PI4KA: variants seen among roughly 807,000 people sequenced by gnomAD.
The protein encoded by PI4KA is phosphatidylinositol 4-kinase alpha, also known as PI4-kinase alpha.
A neutral mutation model predicts 271.4 loss-of-function variants in PI4KA; 122 were observed. The ratio of observed to expected loss-of-function variants is 0.45; its 90% CI spans 0.39 to 0.52. The LOEUF is 0.52. Ranked by LOEUF, PI4KA falls within the 20% of genes least tolerant of loss-of-function variation. PI4KA has a pLI of 0.00. For missense variants in PI4KA, 1,969 were observed against 2,769.1 expected, an observed-to-expected ratio of 0.71 and a Z score of 6.48; for synonymous variants, 1,041 against 1,078.8, an observed-to-expected ratio of 0.96 and a Z score of 0.69.
At chr22:20,818,369 A>G in intron 7 of PI4KA, 114 bp downstream of exon 7, 1 of 693,290 alleles carries the variant, frequency 1.4e-6, no homozygotes. Flanking sequence ...TTGGCACTCT[A>G]GGTCCATCCA....
At chr22:20,803,822 G>T (rs1290632673) in intron 12 of PI4KA, among the ~76,000 whole-genome samples, 2 of 152,198 alleles carry the variant, frequency 1.3e-5, no homozygotes, top group Non-Finnish European at 2.9e-5. Context: ...CTGGCCAGGG[G>T]ATATAGATTG....
At chr22:20,741,132 A>T (rs1929386505) in intron 32 of PI4KA, among the ~76,000 whole-genome samples, 1 of 152,244 alleles carries the variant, frequency 6.6e-6, no homozygotes, top group East Asian at 1.9e-4. Flanking sequence ...TGAAAACAGG[A>T]CACAAGGAAT....
intron 23 of PI4KA, among the ~76,000 whole-genome samples, chr22:20,754,443 G>T (rs373608571): frequency 1.4e-4 from 21 of 152,258 alleles, no homozygotes; most frequent in Middle Eastern, 3.4e-3. Context: ...TCAGAGCCAA[G>T]GAATTAAATG....
intron 29 of PI4KA, among the ~76,000 whole-genome samples, chr22:20,746,134 C>T (rs1424879883): frequency 1.4e-5 from 2 of 139,310 alleles, no homozygotes; most frequent in Non-Finnish European, 3.0e-5. Context: ...GGGATCTCGG[C>T]TCACTGCAAG....
chr22:20,741,463 C>T (rs5760287), intron 32 of PI4KA, among the ~76,000 whole-genome samples: 84,154 of 151,982 alleles, frequency 0.55, 25,288 homozygotes, highest in African/African-American at 0.8. Context: ...CCTGACTAGA[C>T]AACCTCCCCC....
intron 1 of PI4KA, among the ~76,000 whole-genome samples, chr22:20,839,398 T>G (rs1925276846): frequency 6.6e-6 from 1 of 152,204 alleles, no homozygotes; most frequent in South Asian, 2.1e-4. Context: ...AAACTGTGTA[T>G]ACTCAGAGGG....
intron 18 of PI4KA, among the ~76,000 whole-genome samples, chr22:20,794,164 G>A (rs540363429): frequency 1.9e-3 from 287 of 152,346 alleles, no homozygotes; most frequent in African/African-American, 6.7e-3. Context: ...CCACAAGGGT[G>A]GCCCTGCCTG....
chr22:20,788,684 A>C (rs1371370250), intron 19 of PI4KA, among the ~76,000 whole-genome samples: 1 of 152,036 alleles, frequency 6.6e-6, no homozygotes, highest in Non-Finnish European at 1.5e-5. Context: ...TTCCTGGTGA[A>C]CCCTGATGCT....
rs1935366165 is a variant in PI4KA at position 20,802,061 on chromosome 22, C to T, written c.1636G>A (p.Glu546Lys). ...IKISVTNEHS[E>K]STLNVMSGKK... The stretch of plus-strand genomic sequence containing the variant: ...CCCGACATGACGTTCAGGGTTGACT[C>T]GGAATGCTCATTGGTCACACTGATT... The change falls in exon 14 of 55, where the codon GAG (glutamate) becomes AAG (lysine). Residue 546 changes from glutamate to lysine, a missense_variant. By Grantham distance (56) the Glu-to-Lys change is moderately conservative (BLOSUM62 1). Around this residue, in one of 13 missense-constraint regions of PI4KA, gnomAD observed 228 missense variants for 261.6 expected, o/e 0.87. Coordinates refer to ENST00000255882, the MANE Select transcript of PI4KA (RefSeq NM_058004.4). 1.2e-6 allele frequency: 2 copies of T among 1,613,906 alleles called. No individual in the cohort carries two copies. The highest frequency in any genetic ancestry group is 8.5e-7 in the Non-Finnish European group (1 of 1,179,890).
At chr22:20,803,725 TCTCA>T (rs1238526836) in intron 12 of PI4KA, among the ~76,000 whole-genome samples, 1 of 152,088 alleles carries the variant, frequency 6.6e-6, no homozygotes, top group Non-Finnish European at 1.5e-5. Flanking sequence ...GCAGACGGAG[TCTCA>T]CTATGTTGCC....
intron 7 of PI4KA, among the ~76,000 whole-genome samples, chr22:20,814,963 C>G (rs1921580068): frequency 6.6e-6 from 1 of 151,786 alleles, no homozygotes; most frequent in Non-Finnish European, 1.5e-5. Flanking sequence ...TTGAGACCAG[C>G]CTGGGCAACA....
intron 47 of PI4KA, among the ~76,000 whole-genome samples, chr22:20,714,232 C>A (rs567039487): frequency 1.3e-5 from 2 of 152,134 alleles, no homozygotes; most frequent in African/African-American, 4.8e-5. Flanking sequence ...CCTGCTGGAG[C>A]ATGCCAGCTG....
chr22:20,765,035 G>A (rs766505164), intron 21 of PI4KA, 65 bp downstream of exon 21: 15 of 1,581,292 alleles, frequency 9.5e-6, no homozygotes, highest in Non-Finnish European at 1.3e-5. Flanking sequence ...TGTTAATAAT[G>A]ACAGTGAAAA....
chr22:20,804,214 C>T, intron 12 of PI4KA, 86 bp downstream of exon 12: 1 of 898,150 alleles, frequency 1.1e-6, no homozygotes, highest in Non-Finnish European at 1.9e-6. Flanking sequence ...TGCTGGTGTG[C>T]CCACCACAGC....
intron 19 of PI4KA, among the ~76,000 whole-genome samples, chr22:20,772,491 A>T (rs1305004278): frequency 2.6e-5 from 4 of 152,262 alleles, no homozygotes; most frequent in African/African-American, 9.6e-5. Flanking sequence ...CTAAGAAGAC[A>T]GCTCTGACAA....
At chr22:20,830,770 T>C (rs1282756199) in intron 3 of PI4KA, among the ~76,000 whole-genome samples, 1 of 152,124 alleles carries the variant, frequency 6.6e-6, no homozygotes, top group Admixed American at 6.5e-5. Context: ...TTGTTATTGT[T>C]GTTGTTTGTT....
intron 28 of PI4KA, among the ~76,000 whole-genome samples, chr22:20,749,180 C>T (rs1482360038): frequency 6.6e-6 from 1 of 152,192 alleles, no homozygotes; most frequent in Non-Finnish European, 1.5e-5. Context: ...GCTCTCAGGG[C>T]TCTTGGAGCT....
chr22:20,745,795 A>C (rs57270622), intron 29 of PI4KA, among the ~76,000 whole-genome samples: 218 of 152,142 alleles, frequency 1.4e-3, no homozygotes, highest in African/African-American at 5.0e-3. Context: ...ATGTTGTTAC[A>C]CGTTCAACGT....
intron 17 of PI4KA, among the ~76,000 whole-genome samples, chr22:20,797,446 C>G (rs1021674326): frequency 6.6e-6 from 1 of 151,972 alleles, no homozygotes; most frequent in Non-Finnish European, 1.5e-5. Flanking sequence ...CACATAGGCG[C>G]AAGGAAGCAA....
Sources: allele counts gnomAD v4.1 joint callset (sites outside exome capture counted in the v4.1 genomes callset), GRCh38; gene constraint gnomAD v4.1.1; regional missense constraint gnomAD v4.1.1; transcripts MANE v1.5; gene names NCBI Gene and HGNC (gene_info 2026-07-23, HGNC 2026-07-21).